The following CEP57L1 variants were observed in gnomAD, a reference collection of about 807,000 sequenced individuals.
CEP57L1 encodes the protein centrosomal protein 57 like 1.
CEP57L1 carries 37 observed loss-of-function variants against 61.0 expected under a neutral mutation model. The observed-to-expected ratio is 0.61, with a 90% confidence interval of 0.47 to 0.80. CEP57L1 has a LOEUF of 0.80. CEP57L1 is among the 30% of genes least tolerant of loss of function. The pLI is 0.00. For synonymous variants in CEP57L1, 137 were observed against 162.3 expected (o/e 0.84, Z 1.19); for missense variants, 422 against 524.7 (o/e 0.80, Z 1.91).
In CEP57L1 at chr6:109,164,594, G is replaced by C. The variant is rs1206823743; in HGVS notation, c.*1624G>C. Reference sequence around the variant, plus strand: ...TTTTTCTACTTTGCCTTTCCTCCTTGAGGATATGAGTTTTATAGCTTAAGC... The same window carrying C: ...TTTTTCTACTTTGCCTTTCCTCCTTCAGGATATGAGTTTTATAGCTTAAGC... On this transcript the variant is annotated 3_prime_UTR_variant, in exon 11 of 11. Coordinates refer to ENST00000517392, the MANE Select transcript of CEP57L1 (RefSeq NM_001271852.3). 6.6e-6 allele frequency among the ~76,000 whole-genome samples: 1 copy of C among 152,002 alleles called. No homozygotes were observed. The highest frequency in any genetic ancestry group is 2.4e-5 in the African/African-American group (1 of 41,366).
Position 109,170,727 on chromosome 6 carries a change from C to T in CEP57L1, c.*7757C>T, listed in dbSNP as rs1242220679. 1.3e-5 allele frequency among the ~76,000 whole-genome samples: 2 copies of T among 152,178 alleles called. No individual in the cohort carries two copies. The highest frequency in any genetic ancestry group is 4.8e-5 in the African/African-American group (2 of 41,440). On this transcript the variant is annotated 3_prime_UTR_variant, in exon 11 of 11. Coordinates refer to ENST00000517392, the MANE Select transcript of CEP57L1 (RefSeq NM_001271852.3). ...TTTATGGTTTTATAACTTACAATTT[C>T]TAGCAAAAGTATCTTTAATATCTTA...
chr6:109,095,698 G>A, intron 1 of CEP57L1, 123 bp downstream of exon 1: 1 of 520,340 alleles, frequency 1.9e-6, no homozygotes, highest in Non-Finnish European at 2.5e-6. Context: ...ACTTTTTCCA[G>A]TGACTTGCGT....
intron 1 of CEP57L1, chr6:109,124,847 A>G (rs1773364158): frequency 6.6e-6 from 1 of 152,056 alleles, no homozygotes; most frequent in South Asian, 2.1e-4. Context: ...TCTGGGTCAG[A>G]TGCTTCTCCT....
At chr6:109,147,038 T>TTA in intron 3 of CEP57L1, 101 bp downstream of exon 3, 2 of 896,340 alleles carry the variant, frequency 2.2e-6, no homozygotes, top group African/African-American at 1.8e-5. Flanking sequence ...ATCTTTATTC[T>TTA]TATATATATT....
chr6:109,149,970 G>C (rs1055639004), intron 3 of CEP57L1, 148 bp from the exon 4 acceptor site: 3 of 390,274 alleles, frequency 7.7e-6, no homozygotes, highest in Non-Finnish European at 4.9e-6. Flanking sequence ...CATTGATTTT[G>C]TATCCTGAGA....
intron 1 of CEP57L1, among the ~76,000 whole-genome samples, chr6:109,141,675 C>G (rs1403312057): frequency 1.3e-5 from 2 of 151,312 alleles, no homozygotes; most frequent in African/African-American, 4.9e-5. Flanking sequence ...TAAGTAAGTT[C>G]CACCACCACA....
chr6:109,111,265 G>A (rs188888625), intron 1 of CEP57L1, among the ~76,000 whole-genome samples: 3 of 152,164 alleles, frequency 2.0e-5, no homozygotes, highest in Middle Eastern at 6.8e-3. Flanking sequence ...TGTATTCCTA[G>A]GTATTTTTTT....
Position 109,142,642 on chromosome 6 carries a change from T to C in CEP57L1, c.-3-2577T>C, listed in dbSNP as rs535060003. Among the ~76,000 whole-genome samples, 1,199 of 151,928 alleles carry C rather than the reference T, an allele frequency of 7.9e-3. 18 individuals are homozygous for C. The highest frequency in any genetic ancestry group is 0.028 in the African/African-American group (1,150 of 41,458). On this transcript the variant is annotated intron_variant, in intron 1 of 10. Coordinates refer to ENST00000517392, the MANE Select transcript of CEP57L1 (RefSeq NM_001271852.3). ...TTAAGAAAAAAAAAAAAGGTACAAC[T>C]TGAGTTTCTCAGGCTTGATACAAAT...
rs1773998379 is a variant in CEP57L1, at chr6:109,164,972, G to A, written c.*2002G>A. On this transcript the variant is annotated 3_prime_UTR_variant, in exon 11 of 11. Coordinates refer to ENST00000517392, the MANE Select transcript of CEP57L1 (RefSeq NM_001271852.3). ...GCATGCCTGTAATCCCAGCTACTTG[G>A]GAGACTGAGGCAGGGGAATCGCTTG... is the stretch of plus-strand genomic sequence containing the variant. 1.3e-5 allele frequency among the ~76,000 whole-genome samples: 2 copies of A among 151,688 alleles called. No individual in the cohort carries two copies. The highest frequency in any genetic ancestry group is 2.9e-5 in the Non-Finnish European group (2 of 67,964).
intron 1 of CEP57L1, among the ~76,000 whole-genome samples, chr6:109,108,618 C>T (rs1771209701): frequency 6.6e-6 from 1 of 151,988 alleles, no homozygotes; most frequent in South Asian, 2.1e-4. Context: ...TTTTTTTGGC[C>T]TTTATTAATT....
intron 2 of CEP57L1, 31 bp downstream of exon 2, chr6:109,145,412 A>G: frequency 6.9e-7 from 1 of 1,446,006 alleles, no homozygotes; most frequent in Non-Finnish European, 9.3e-7. Context: ...GAAGAATGGT[A>G]AAAACATGCT....
chr6:109,162,828 A>T lies in CEP57L1; in HGVS notation c.1241A>T (p.Lys414Ile). 1.2e-6 allele frequency: 2 copies of T among 1,613,492 alleles called. No homozygotes were observed. The highest frequency in any genetic ancestry group is 1.7e-6 in the Non-Finnish European group (2 of 1,179,606). Residue 414 changes from lysine to isoleucine, a missense_variant, in exon 11 of 11, where the codon AAA becomes ATA. Coordinates refer to ENST00000517392, the MANE Select transcript of CEP57L1 (RefSeq NM_001271852.3). ...ATTCAGCAAGAAGACAGCTACCCTAAAGGATCAAAGAACATAAAAAATAGC... is the reference window on the plus strand; with the variant it reads ...ATTCAGCAAGAAGACAGCTACCCTATAGGATCAAAGAACATAAAAAATAGC... ...SGIQQEDSYP[K>I]GSKNIKNSPR...
chr6:109,119,397 G>A (rs1333353936), intron 1 of CEP57L1, among the ~76,000 whole-genome samples: 1 of 152,166 alleles, frequency 6.6e-6, no homozygotes, highest in East Asian at 1.9e-4. Flanking sequence ...AATCAGTGGT[G>A]GTAAGGATGG....
Position 109,170,703 on chromosome 6 carries a change from T to G in CEP57L1, c.*7733T>G, listed in dbSNP as rs1774363251. ...AGCTCTCGAGAAGTCTGTGGAACAT[T>G]TATGGTTTTATAACTTACAATTTCT... On this transcript the variant is annotated 3_prime_UTR_variant, in exon 11 of 11. Coordinates refer to ENST00000517392, the MANE Select transcript of CEP57L1 (RefSeq NM_001271852.3). Among the ~76,000 whole-genome samples, 3 of 152,306 alleles carry G rather than the reference T, an allele frequency of 2.0e-5. No individual in the cohort carries two copies. Among genetic ancestry groups the G allele is most frequent in the Admixed American group, 2.0e-4 (3 of 15,292 alleles).
chr6:109,127,854 T>A (rs111525989), intron 1 of CEP57L1, among the ~76,000 whole-genome samples: 1,620 of 152,014 alleles, frequency 0.011, 39 homozygotes, highest in African/African-American at 0.037. Flanking sequence ...GGTCTCAATC[T>A]GCTGACCTCG....
In CEP57L1 at chr6:109,170,933, T is replaced by C. The variant is rs1350329116; in HGVS notation, c.*7963T>C. Among the ~76,000 whole-genome samples, 10 of 152,292 alleles carry C rather than the reference T, an allele frequency of 6.6e-5. No individual in the cohort carries two copies. The highest frequency in any genetic ancestry group is 1.9e-4 in the East Asian group (1 of 5,180). ...TTAAAAACAAGTTACTTTAAAGATA[T>C]CTGCTTTTACTTTAATCTAAAAAAT... On this transcript the variant is annotated 3_prime_UTR_variant, in exon 11 of 11. Transcript: ENST00000517392.
chr6:109,096,873 A>G (rs530137029), intron 1 of CEP57L1, among the ~76,000 whole-genome samples: 1 of 152,318 alleles, frequency 6.6e-6, no homozygotes, highest in South Asian at 2.1e-4. Context: ...TTTATGCCGT[A>G]GTTAAATATG....
At chr6:109,117,269 G>A (rs992745518) in intron 1 of CEP57L1, among the ~76,000 whole-genome samples, 1 of 152,168 alleles carries the variant, frequency 6.6e-6, no homozygotes, top group Non-Finnish European at 1.5e-5. Flanking sequence ...GTACACAAGA[G>A]AATATTACTT....
Position 109,168,796 on chromosome 6 carries a change from G to C in CEP57L1, c.*5826G>C, listed in dbSNP as rs914996766. Among the ~76,000 whole-genome samples the C allele has an allele frequency of 6.6e-6, 1 of 151,070 alleles. No individual in the cohort carries two copies. Among genetic ancestry groups the C allele is most frequent in the Non-Finnish European group, 1.5e-5 (1 of 67,700 alleles). ...ATTTTAGTAGAGATGGGGTTTCACT[G>C]TATTGCCCAGGCTGGTCACGAACTC... On this transcript the variant is annotated 3_prime_UTR_variant, in exon 11 of 11. Transcript: ENST00000517392.
Sources: allele counts gnomAD v4.1 joint callset (sites outside exome capture counted in the v4.1 genomes callset), GRCh38; gene constraint gnomAD v4.1.1; transcripts MANE v1.5; gene names NCBI Gene and HGNC (gene_info 2026-07-23, HGNC 2026-07-21).